The following NRL variants were observed in gnomAD, a reference collection of about 807,000 sequenced individuals.
NRL encodes neural retina leucine zipper.
NRL carries 16 observed loss-of-function variants against 12.5 expected under a neutral mutation model. That is an observed-to-expected ratio of 1.28 (90% CI 0.87 to 1.95). The LOEUF (loss-of-function observed/expected upper bound fraction) is 1.95, where lower values mean the gene tolerates loss of function less well. NRL is among the 30% of genes most tolerant of loss of function. The probability of loss-of-function intolerance (pLI) is 0.00; values close to 1 mark genes in which losing one functional copy is unlikely to be tolerated. For synonymous variants in NRL, 142 were observed against 150.9 expected, an observed-to-expected ratio of 0.94 and a Z score of 0.43; for missense variants, 314 against 325.8, an observed-to-expected ratio of 0.96 and a Z score of 0.28.
rs772550842 is a variant in NRL, at chr14:24,096,956, G to A, written c.-27-14081C>T. The A allele has an allele frequency of 8.7e-6, 14 of 1,613,552 alleles. No homozygotes were observed. In the Admixed American group the frequency reaches 1.0e-4, roughly 12 times the overall value. On this transcript the variant is annotated intron_variant, in intron 1 of 2. Coordinates refer to ENST00000561028, the MANE Select transcript of NRL (RefSeq NM_001354768.3). ...ATGCCGTAGCATCCAGACCCTGCGAGTGCTTAGTGGAGATCTGGGCCAGCT... is the reference window on the plus strand; with the variant it reads ...ATGCCGTAGCATCCAGACCCTGCGAATGCTTAGTGGAGATCTGGGCCAGCT...
chr14:24,081,420 C>A lies in NRL; in HGVS notation c.530G>T (p.Arg177Leu). 3 of 1,531,458 alleles carry A rather than the reference C, an allele frequency of 2.0e-6. No homozygotes were observed. The highest frequency in any genetic ancestry group is 2.6e-6 in the Non-Finnish European group (3 of 1,141,740). The allele number at this position is 1,531,458 out of a possible 1,614,324, so 94.9% of individuals were successfully genotyped here. The change falls in exon 3 of 3, where the codon CGC (arginine) becomes CTC (leucine). Residue 177 changes from arginine to leucine, a missense_variant. Transcript: ENST00000561028. This position sits in a 1 kb window ranked among gnomAD's most constrained non-coding sequence, Gnocchi z 4.4. Reference sequence around the variant, plus strand: ...GCGCCGCTGCTGCAGCCGCTTGGAGCGACAGGCCTGCGCGTAGCCGCGGTT... The same window carrying A: ...GCGCCGCTGCTGCAGCCGCTTGGAGAGACAGGCCTGCGCGTAGCCGCGGTT... The part of the protein sequence containing the change: ...LKNRGYAQAC[R>L]SKRLQQRRGL...
chr14:24,098,155 A>G lies in NRL; in HGVS notation c.-27-15280T>C, dbSNP rs775431343. On this transcript the variant is annotated intron_variant, in intron 1 of 2. Coordinates refer to ENST00000561028, the MANE Select transcript of NRL (RefSeq NM_001354768.3). ...ACTTGAAAAAGTGGGTCTAGGGACA[A>G]GGGAAACCTGCTGGCCACCATCTTC... is the stretch of plus-strand genomic sequence containing the variant. 1.4e-5 allele frequency: 22 copies of G among 1,535,034 alleles called. No homozygotes were observed. In the Admixed American group the frequency reaches 4.2e-4, roughly 29 times the overall value.
Position 24,084,765 on chromosome 14 carries a change from A to G in NRL, c.-27-1890T>C, listed in dbSNP as rs2036424343. 4 of 923,154 alleles carry G rather than the reference A, an allele frequency of 4.3e-6. No homozygotes were observed. In the South Asian group the frequency reaches 2.0e-4, roughly 46 times the overall value. 57.2% of individuals were successfully genotyped at this position (923,154 alleles called of 1,614,324 possible). A position where few individuals can be genotyped will look rare whatever the true frequency, so the allele number is the denominator to read the frequency against. ...ATTGGCCTGGGGTTGGGGGAAATGG[A>G]GAGAGAGGAGAGTACAAGTGTGCTT... On this transcript the variant is annotated intron_variant, in intron 1 of 2. Coordinates refer to ENST00000561028, the MANE Select transcript of NRL (RefSeq NM_001354768.3).
At chr14:24,098,596 G>A (rs1016538344) in intron 1 of NRL, 1 of 1,614,094 alleles carries the variant, frequency 6.2e-7, no homozygotes, top group African/African-American at 1.3e-5. Context: ...TGACCCGACT[G>A]GGGACACCTG....
intron 1 of NRL, among the ~76,000 whole-genome samples, chr14:24,089,706 C>T (rs574511596): frequency 2.3e-4 from 35 of 152,286 alleles, no homozygotes; most frequent in African/African-American, 5.3e-4. Context: ...TTTTCTTCCA[C>T]GAAGACATAC....
In NRL at chr14:24,081,619, C is replaced by T; in HGVS notation, c.382-51G>A. On this transcript the variant is annotated intron_variant, in intron 2 of 2. Coordinates refer to ENST00000561028, the MANE Select transcript of NRL (RefSeq NM_001354768.3). The surrounding 1 kb of genome is among the most constrained non-coding windows in gnomAD (Gnocchi z 4.4). ...GGTCAGCGCCAGGTCGCACCCGGCT[C>T]TGCCCTGAGGGCCCGACGCTACCTG... 6.5e-7 allele frequency: 1 copy of T among 1,549,768 alleles called. No homozygotes were observed. Among genetic ancestry groups the T allele is most frequent in the Non-Finnish European group, 8.7e-7 (1 of 1,147,780 alleles).
At chr14:24,105,690 G>T (rs1594318169) in intron 1 of NRL, among the ~76,000 whole-genome samples, 1 of 152,230 alleles carries the variant, frequency 6.6e-6, no homozygotes, top group Non-Finnish European at 1.5e-5. Flanking sequence ...AGGCCAAGGA[G>T]GGCGGATCAC....
chr14:24,099,115 G>A lies in NRL; in HGVS notation c.-28+15607C>T, dbSNP rs371707131. 4.5e-5 allele frequency: 73 copies of A among 1,612,126 alleles called. No individual in the cohort carries two copies. Among genetic ancestry groups the A allele is most frequent in the South Asian group, 2.1e-4 (19 of 91,084 alleles). ...CTGATTGGCCACGTGCCCGACCAGC[G>A]GGAGATCATCTCCTTCGGCAGCGGC... is the stretch of plus-strand genomic sequence containing the variant. On this transcript the variant is annotated intron_variant, in intron 1 of 2. Transcript: ENST00000561028.
chr14:24,099,288 G>A (rs2037053519), intron 1 of NRL: 1 of 1,522,436 alleles, frequency 6.6e-7, no homozygotes, highest in Non-Finnish European at 8.9e-7. Flanking sequence ...GCAGGGGTGG[G>A]GCCTGGCCAG....
chr14:24,094,477 C>T lies in NRL; in HGVS notation c.-27-11602G>A, dbSNP rs905031686. 10 of 1,494,702 alleles carry T rather than the reference C, an allele frequency of 6.7e-6. No individual in the cohort carries two copies. In the African/African-American group the frequency reaches 1.0e-4, roughly 15 times the overall value. The allele number at this position is 1,494,702 out of a possible 1,614,324, so 92.6% of individuals were successfully genotyped here. On this transcript the variant is annotated intron_variant, in intron 1 of 2. Coordinates refer to ENST00000561028, the MANE Select transcript of NRL (RefSeq NM_001354768.3). The surrounding 1 kb of genome is among the most constrained non-coding windows in gnomAD (Gnocchi z 4.1). Reference sequence around the variant, plus strand: ...CGGGGCCCACCCGCACCTTCCGCTGCGCTCGCCCCCTCGGGGCTGCCAGTG... The same window carrying T: ...CGGGGCCCACCCGCACCTTCCGCTGTGCTCGCCCCCTCGGGGCTGCCAGTG...
At chr14:24,104,059 C>G in intron 1 of NRL, 1 of 796,548 alleles carries the variant, frequency 1.3e-6, no homozygotes, top group Admixed American at 2.2e-5. Context: ...TATTAACTAA[C>G]ATCTTCAATG....
Position 24,094,267 on chromosome 14 carries a change from C to T in NRL, c.-27-11392G>A, listed in dbSNP as rs1292476446. 4 of 800,438 alleles carry T rather than the reference C, an allele frequency of 5.0e-6. No individual in the cohort carries two copies. The African/African-American group carries it at 5.5e-5, about 11-fold the overall frequency. 49.6% of individuals were successfully genotyped at this position (800,438 alleles called of 1,614,324 possible). On this transcript the variant is annotated intron_variant, in intron 1 of 2. Coordinates refer to ENST00000561028, the MANE Select transcript of NRL (RefSeq NM_001354768.3). The surrounding 1 kb of genome is among the most constrained non-coding windows in gnomAD (Gnocchi z 4.1). ...CCAGCCCTACCAGGTTCCGCCCCCG[C>T]GCCTGCCCCCCTCCTTTTTAAGCGC...
intron 1 of NRL, among the ~76,000 whole-genome samples, chr14:24,105,148 CA>C: frequency 6.6e-6 from 1 of 152,318 alleles, no homozygotes; most frequent in Non-Finnish European, 1.5e-5. Flanking sequence ...AGGGATGGGC[CA>C]AAATGAAGAG....
At chr14:24,084,239 T>C (rs2036409270) in intron 1 of NRL, among the ~76,000 whole-genome samples, 1 of 151,978 alleles carries the variant, frequency 6.6e-6, no homozygotes, top group Non-Finnish European at 1.5e-5. Context: ...ACAGAGGGGA[T>C]GGAAACAGAC....
chr14:24,098,650 C>T (rs1190175937), intron 1 of NRL: 1 of 1,613,968 alleles, frequency 6.2e-7, no homozygotes, highest in Non-Finnish European at 8.5e-7. Context: ...AGTGTCTGCA[C>T]TCCGTGGGCC....
rs184235122 is a variant in NRL at position 24,080,301 on chromosome 14, G to A, written c.*935C>T. The A allele has an allele frequency of 4.6e-5, 7 of 152,340 alleles. No individual in the cohort carries two copies. In the East Asian group the frequency reaches 1.4e-3, roughly 29 times the overall value. The allele number at this position is 152,340 out of a possible 1,614,324, so 9.4% of individuals were successfully genotyped here. ...GCAGGTCTGGAGGCCCAGACAGCCT[G>A]GAGGGAGCTGCCGAGGACCCACGTA... On this transcript the variant is annotated 3_prime_UTR_variant, in exon 3 of 3. Transcript: ENST00000561028.
Position 24,078,826 on chromosome 14 carries a change from G to C in NRL, c.*2410C>G, listed in dbSNP as rs1391112617. Reference sequence around the variant, plus strand: ...CTGGTAGAACTGCAACTTGAAACAGGGTCTCACTCTGCCACCCAGGCTGGA... The same window carrying C: ...CTGGTAGAACTGCAACTTGAAACAGCGTCTCACTCTGCCACCCAGGCTGGA... On this transcript the variant is annotated 3_prime_UTR_variant, in exon 3 of 3. Transcript: ENST00000561028. Among the ~76,000 whole-genome samples, 3 of 152,036 alleles carry C rather than the reference G, an allele frequency of 2.0e-5. No homozygotes were observed. Among genetic ancestry groups the C allele is most frequent in the East Asian group, 1.9e-4 (1 of 5,196 alleles).
intron 1 of NRL, chr14:24,102,669 C>A: frequency 2.5e-6 from 3 of 1,198,596 alleles, no homozygotes; most frequent in East Asian, 2.4e-5. Flanking sequence ...AAAAAAGAAC[C>A]CTGCAAGAAT....
Position 24,096,933 on chromosome 14 carries a change from G to A in NRL, c.-27-14058C>T. ...CTGAGCCCCTTGGGCTGGCCATCAT[G>A]CCGTAGCATCCAGACCCTGCGAGTG... is the stretch of plus-strand genomic sequence containing the variant. On this transcript the variant is annotated intron_variant, in intron 1 of 2. Transcript: ENST00000561028. 1 of 1,613,716 alleles carries A rather than the reference G, an allele frequency of 6.2e-7. No individual in the cohort carries two copies. The highest frequency in any genetic ancestry group is 1.1e-5 in the South Asian group (1 of 91,068).
Sources: gnomAD v4.1 joint callset for allele counts (sites outside exome capture counted in the v4.1 genomes callset) on GRCh38, gnomAD v4.1.1 for gene constraint, Gnocchi (gnomAD v3.1) non-coding constraint, MANE v1.5 for transcripts, NCBI Gene and HGNC (gene_info 2026-07-23, HGNC 2026-07-21) for gene names.